The following DSC2 variants were observed in gnomAD, a reference collection of about 807,000 sequenced individuals.
DSC2 encodes desmocollin-2.
Under a neutral mutation model 87.6 loss-of-function variants are expected in DSC2, and 51 were observed. That is an observed-to-expected ratio of 0.58 (90% confidence interval 0.46 to 0.74). The LOEUF is 0.74. DSC2 is among the 30% of genes least tolerant of loss of function. The pLI is 0.00. For missense variants in DSC2, 1,066 were observed against 1,089.5 expected (o/e 0.98, Z 0.30); for synonymous variants, 383 against 393.2 (o/e 0.97, Z 0.31).
In DSC2 at chr18:31,088,529, T is replaced by C. The variant is rs59605947; in HGVS notation, c.631-716A>G. ...CTTTATTCAAAGCTTGCCTGTCTTA[T>C]TTGATTAATTTGGTCTTCTAATGAA... On this transcript the variant is annotated intron_variant, in intron 5 of 15. Coordinates refer to ENST00000280904, the MANE Select transcript of DSC2 (RefSeq NM_024422.6). Among the ~76,000 whole-genome samples, 745 of 152,296 alleles carry C rather than the reference T, an allele frequency of 4.9e-3. 8 individuals carry two copies. Among genetic ancestry groups the C allele is most frequent in the Middle Eastern group, 0.014 (4 of 294 alleles).
chr18:31,100,940 G>C (rs1277145650), intron 1 of DSC2, among the ~76,000 whole-genome samples: 1 of 152,030 alleles, frequency 6.6e-6, no homozygotes, highest in Non-Finnish European at 1.5e-5. Context: ...GCTCCCCAAC[G>C]AGATCCCATC....
At chr18:31,099,712 A>G (rs1165893979) in intron 1 of DSC2, among the ~76,000 whole-genome samples, 1 of 152,184 alleles carries the variant, frequency 6.6e-6, no homozygotes, top group Non-Finnish European at 1.5e-5. Flanking sequence ...TAGAAGGTTT[A>G]TTAGTGGTTA....
At position 31,067,771 on chromosome 18, in the gene DSC2, T is replaced by C. The variant is rs1986673342; in HGVS notation, c.*244A>G. ...CCCAAATGTAACAAATAAGGCAGAC[T>C]TTAATTTCTCTGTAGACCTCCTTGG... On this transcript the variant is annotated 3_prime_UTR_variant, in exon 16 of 16. Coordinates refer to ENST00000280904, the MANE Select transcript of DSC2 (RefSeq NM_024422.6). The C allele has an allele frequency of 2.2e-6, 1 of 464,056 alleles. No homozygotes were observed. Among genetic ancestry groups the C allele is most frequent in the Admixed American group, 3.7e-5 (1 of 27,032 alleles). 28.7% of individuals were successfully genotyped at this position (464,056 alleles called of 1,614,324 possible). A position where few individuals can be genotyped will look rare whatever the true frequency, so the allele number is the denominator to read the frequency against.
chr18:31,082,181 C>CT, intron 9 of DSC2, 57 bp downstream of exon 9: 1 of 1,503,302 alleles, frequency 6.7e-7, no homozygotes, highest in African/African-American at 1.4e-5. Context: ...CCATTAAATT[C>CT]TAGCATGCTA....
chr18:31,088,332 G>A lies in DSC2; in HGVS notation c.631-519C>T, dbSNP rs144980044. Among the ~76,000 whole-genome samples, 297 of 152,288 alleles carry A rather than the reference G, an allele frequency of 2.0e-3. 1 individual carries two copies. Among genetic ancestry groups the A allele is most frequent in the Middle Eastern group, 3.4e-3 (1 of 294 alleles). ...AAAGAATTTTTAATTTAAAAAGGGT[G>A]AATCAGAAATGAAACAAATGAATGG... On this transcript the variant is annotated intron_variant, in intron 5 of 15. Coordinates refer to ENST00000280904, the MANE Select transcript of DSC2 (RefSeq NM_024422.6).
At chr18:31,098,735 C>T (rs922447693) in intron 1 of DSC2, among the ~76,000 whole-genome samples, 1 of 152,162 alleles carries the variant, frequency 6.6e-6, no homozygotes, top group Admixed American at 6.5e-5. Context: ...GATTTACAGG[C>T]ATGAGCCACT....
intron 1 of DSC2, chr18:31,101,100 G>T: frequency 1.3e-6 from 1 of 786,390 alleles, no homozygotes; most frequent in Non-Finnish European, 1.5e-6. Context: ...GGCGGGTGGT[G>T]AGCAGAAAAA....
intron 11 of DSC2, among the ~76,000 whole-genome samples, chr18:31,075,699 A>G (rs903612479): frequency 6.6e-6 from 1 of 152,060 alleles, no homozygotes; most frequent in African/African-American, 2.4e-5. Context: ...AAAAATACAA[A>G]ATTAGCCAGG....
At position 31,080,262 on chromosome 18, in the gene DSC2, C is replaced by A. The variant is rs570979787; in HGVS notation, c.1354G>T (p.Ala452Ser). The change falls in exon 10 of 16, where the codon GCC becomes TCC. Residue 452 changes from alanine (A) to serine (S), a missense_variant. Transcript: ENST00000280904. ...PFSREASPRS[A>S]MSTATVTVNV... ...ACAGTAACTGTTGCTGTGCTCATGG[C>A]TGATCTTGGACTAGCCTCTCTGGAA... is the stretch of plus-strand genomic sequence containing the variant. 6.2e-7 allele frequency: 1 copy of A among 1,614,072 alleles called. No individual in the cohort carries two copies. Among genetic ancestry groups the A allele is most frequent in the East Asian group, 2.2e-5 (1 of 44,864 alleles).
At chr18:31,077,281 A>G (rs1987054972) in intron 11 of DSC2, among the ~76,000 whole-genome samples, 2 of 152,200 alleles carry the variant, frequency 1.3e-5, no homozygotes, top group Non-Finnish European at 2.9e-5. Context: ...CTGTCCCTCA[A>G]CTTCTCCTGT....
At chr18:31,077,480 C>T (rs1158320850) in intron 11 of DSC2, among the ~76,000 whole-genome samples, 2 of 152,176 alleles carry the variant, frequency 1.3e-5, no homozygotes, top group Non-Finnish European at 2.9e-5. Context: ...GGGATAAATG[C>T]TTCAATTTCC....
chr18:31,085,200 C>A (rs1253281641), intron 7 of DSC2, among the ~76,000 whole-genome samples: 1 of 152,002 alleles, frequency 6.6e-6, no homozygotes, highest in African/African-American at 2.4e-5. Context: ...AATTTTATAT[C>A]ATGTCAGATT....
At chr18:31,078,478 T>C (rs1987094188) in intron 11 of DSC2, among the ~76,000 whole-genome samples, 2 of 152,156 alleles carry the variant, frequency 1.3e-5, no homozygotes, top group Admixed American at 1.3e-4. Context: ...AATAAAATTA[T>C]AGGCAAAATT....
At chr18:31,097,933 A>G (rs1471175453) in intron 1 of DSC2, among the ~76,000 whole-genome samples, 1 of 152,172 alleles carries the variant, frequency 6.6e-6, no homozygotes, top group South Asian at 2.1e-4. Context: ...ACATATTTTT[A>G]TAACTTAAGA....
chr18:31,098,107 G>A (rs181616797), intron 1 of DSC2, among the ~76,000 whole-genome samples: 1 of 152,136 alleles, frequency 6.6e-6, no homozygotes, highest in African/African-American at 2.4e-5. Context: ...TTTTTGGTTG[G>A]TTAGAGGTGT....
intron 14 of DSC2, 51 bp downstream of exon 14, chr18:31,070,675 A>T: frequency 1.2e-6 from 2 of 1,610,322 alleles, no homozygotes; most frequent in Non-Finnish European, 1.7e-6. Context: ...AGGAATACGC[A>T]TTATAAGCGA....
At chr18:31,091,992 T>C in intron 3 of DSC2, 109 bp downstream of exon 3, 2 of 1,183,298 alleles carry the variant, frequency 1.7e-6, no homozygotes, top group Non-Finnish European at 2.4e-6. Flanking sequence ...TTTTCATTCG[T>C]CTTTAAGCCA....
Position 31,067,922 on chromosome 18 carries a change from C to G in DSC2, c.*93G>C, listed in dbSNP as rs1046878295. ...CCAAATAATGAGAGAAAAACCCCCA[C>G]AAATAGCATCTTCTGCTTTAAAAAA... On this transcript the variant is annotated 3_prime_UTR_variant, in exon 16 of 16. Coordinates refer to ENST00000280904, the MANE Select transcript of DSC2 (RefSeq NM_024422.6). The G allele has an allele frequency of 4.2e-6, 5 of 1,182,796 alleles. No homozygotes were observed. The highest frequency in any genetic ancestry group is 6.1e-6 in the Non-Finnish European group (5 of 816,774). 73.3% of individuals were successfully genotyped at this position (1,182,796 alleles called of 1,614,324 possible). A position where few individuals can be genotyped will look rare whatever the true frequency, so the allele number is the denominator to read the frequency against.
chr18:31,080,615 TAGTG>T (rs1332793868), intron 9 of DSC2, among the ~76,000 whole-genome samples: 1 of 152,174 alleles, frequency 6.6e-6, no homozygotes, highest in Non-Finnish European at 1.5e-5. Flanking sequence ...CTGCTCATGA[TAGTG>T]AGTGAGTTCT....
Sources: allele counts gnomAD v4.1 joint callset (sites outside exome capture counted in the v4.1 genomes callset), GRCh38; gene constraint gnomAD v4.1.1; transcripts MANE v1.5; gene names NCBI Gene and HGNC (gene_info 2026-07-23, HGNC 2026-07-21).